The following GNA14 variants were observed in gnomAD, a reference collection of about 807,000 sequenced individuals.
GNA14 encodes G protein subunit alpha 14.
In GNA14, 50 loss-of-function variants were observed where a neutral mutation model predicts 42.0. The ratio of observed to expected loss-of-function variants is 1.19; its 90% CI spans 0.95 to 1.51. The LOEUF (loss-of-function observed/expected upper bound fraction) is 1.51, where lower values mean the gene tolerates loss of function less well. GNA14 is among the 40% of genes most tolerant of loss of function. The probability of loss-of-function intolerance (pLI) is 0.00; values close to 1 mark genes in which losing one functional copy is unlikely to be tolerated. For synonymous variants in GNA14, 173 were observed against 163.1 expected (o/e 1.06, Z -0.46); for missense variants, 473 against 446.2 (o/e 1.06, Z -0.54).
chr9:77,517,590 CTTTTTTTTTTTTTTTTTTTTTTTTTT>C (rs71358610), intron 2 of GNA14: 1 of 26,792 alleles, frequency 3.7e-5, no homozygotes, highest in Non-Finnish European at 6.8e-5. Flanking sequence ...TGGTACTTTT[CTTTTTTTTTTTTTTTTTTTTTTTTTT>C]TTTTTTTTGA....
intron 1 of GNA14, among the ~76,000 whole-genome samples, chr9:77,611,441 T>C (rs1823729389): frequency 6.6e-6 from 1 of 152,184 alleles, no homozygotes; most frequent in Non-Finnish European, 1.5e-5. Context: ...ATGTCTGTCC[T>C]TTACTCTGGA....
Position 77,558,982 on chromosome 9 carries a change from G to A in GNA14, c.125-29729C>T, listed in dbSNP as rs182126868. On this transcript the variant is annotated intron_variant, in intron 1 of 6. Transcript: ENST00000341700. The stretch of plus-strand genomic sequence containing the variant: ...AAAAAACCTCCTCCTGAGAACCTAA[G>A]CAGGATGGGGCTAAATATTTAGGTC... Among the ~76,000 whole-genome samples the A allele has an allele frequency of 4.0e-5, 6 of 151,324 alleles. No homozygotes were observed. In the East Asian group the frequency reaches 1.2e-3, roughly 29 times the overall value.
intron 1 of GNA14, among the ~76,000 whole-genome samples, chr9:77,533,239 T>G (rs1285879937): frequency 6.6e-6 from 1 of 152,182 alleles, no homozygotes; most frequent in African/African-American, 2.4e-5. Flanking sequence ...TGCAGTGACA[T>G]GATCTCAGCT....
chr9:77,622,909 G>GA (rs60072959), intron 1 of GNA14, among the ~76,000 whole-genome samples: 28,535 of 136,814 alleles, frequency 0.21, 3,139 homozygotes, highest in South Asian at 0.27. Context: ...AAAAAAAAAA[G>GA]AAAAATTTTT....
chr9:77,589,220 G>A (rs947355065), intron 1 of GNA14, among the ~76,000 whole-genome samples: 4 of 152,158 alleles, frequency 2.6e-5, no homozygotes, highest in African/African-American at 9.7e-5. Context: ...GGAAATAAAT[G>A]CTCACTTGCA....
At chr9:77,467,218 C>T (rs1836250806) in intron 2 of GNA14, among the ~76,000 whole-genome samples, 1 of 151,816 alleles carries the variant, frequency 6.6e-6, no homozygotes, top group Non-Finnish European at 1.5e-5. Flanking sequence ...TTTTAAAGTC[C>T]GGATTCCTAG....
At chr9:77,490,247 T>C (rs1011192925) in intron 2 of GNA14, among the ~76,000 whole-genome samples, 1 of 152,254 alleles carries the variant, frequency 6.6e-6, no homozygotes, top group East Asian at 1.9e-4. Flanking sequence ...TGCTGATTGC[T>C]GTGTTTACAA....
intron 2 of GNA14, among the ~76,000 whole-genome samples, chr9:77,505,017 C>T (rs1352042951): frequency 1.3e-5 from 2 of 151,998 alleles, no homozygotes; most frequent in African/African-American, 4.8e-5. Flanking sequence ...AGTTGAAAGT[C>T]CCTAATCATT....
chr9:77,453,182 T>C (rs1208190845), intron 2 of GNA14, among the ~76,000 whole-genome samples: 1 of 151,952 alleles, frequency 6.6e-6, no homozygotes, highest in East Asian at 1.9e-4. Context: ...CTGAGGGAGC[T>C]TGTGTGTCCC....
intron 1 of GNA14, among the ~76,000 whole-genome samples, chr9:77,617,269 T>A (rs1478642186): frequency 6.6e-6 from 1 of 152,088 alleles, no homozygotes; most frequent in Admixed American, 6.6e-5. Context: ...GTTGACTGTC[T>A]ACCTCCACCC....
intron 1 of GNA14, among the ~76,000 whole-genome samples, chr9:77,621,829 T>G (rs1823928358): frequency 6.6e-6 from 1 of 152,212 alleles, no homozygotes. Context: ...ACACAAATAT[T>G]TGTTTTGAAG....
intron 1 of GNA14, among the ~76,000 whole-genome samples, chr9:77,602,743 A>G (rs1310257766): frequency 6.6e-6 from 1 of 151,722 alleles, no homozygotes; most frequent in Non-Finnish European, 1.5e-5. Flanking sequence ...TACACCCACA[A>G]CTTTCCCAAT....
intron 2 of GNA14, among the ~76,000 whole-genome samples, chr9:77,478,757 T>C (rs1836484007): frequency 6.6e-6 from 1 of 152,224 alleles, no homozygotes. Context: ...GTGGTTTTGA[T>C]TTGCATTTCT....
chr9:77,561,837 G>A (rs1822888350), intron 1 of GNA14, among the ~76,000 whole-genome samples: 1 of 152,148 alleles, frequency 6.6e-6, no homozygotes, highest in South Asian at 2.1e-4. Flanking sequence ...TCCTTCAGCT[G>A]ACTAATTACT....
chr9:77,519,695 T>C (rs1837320171), intron 2 of GNA14, among the ~76,000 whole-genome samples: 1 of 152,118 alleles, frequency 6.6e-6, no homozygotes, highest in African/African-American at 2.4e-5. Flanking sequence ...GGGTACAATG[T>C]ACACTACTTG....
intron 1 of GNA14, among the ~76,000 whole-genome samples, chr9:77,609,396 G>T (rs1486742459): frequency 1.3e-5 from 2 of 152,066 alleles, no homozygotes; most frequent in Non-Finnish European, 2.9e-5. Flanking sequence ...TTTCTCTCCA[G>T]CTCTCCCCTT....
In GNA14 at chr9:77,492,497, C is replaced by T. The variant is rs1424730792; in HGVS notation, c.309+36572G>A. Among the ~76,000 whole-genome samples the T allele has an allele frequency of 8.6e-5, 13 of 151,922 alleles. No homozygotes were observed. In the East Asian group the frequency reaches 2.3e-3, roughly 27 times the overall value. On this transcript the variant is annotated intron_variant, in intron 2 of 6. Coordinates refer to ENST00000341700, the MANE Select transcript of GNA14 (RefSeq NM_004297.4). ...AAAGGAGACGTAACAACTGACATCC[C>T]GGAAATGCAAAGAATCATTAGAGAC...
At position 77,587,837 on chromosome 9, in the gene GNA14, A is replaced by G. The variant is rs147706338; in HGVS notation, c.125-58584T>C. Among the ~76,000 whole-genome samples, 440 of 152,308 alleles carry G rather than the reference A, an allele frequency of 2.9e-3. 3 individuals are homozygous for G. Among genetic ancestry groups the G allele is most frequent in the Non-Finnish European group, 2.5e-3 (167 of 68,030 alleles). Reference sequence around the variant, plus strand: ...CACAAGCACACGTATACACACACGAATTTATTCTCTCATAGTTCTGGATTT... The same window carrying G: ...CACAAGCACACGTATACACACACGAGTTTATTCTCTCATAGTTCTGGATTT... On this transcript the variant is annotated intron_variant, in intron 1 of 6. Transcript: ENST00000341700.
intron 4 of GNA14, 115 bp from the exon 5 acceptor site, chr9:77,429,151 G>C (rs1470726385): frequency 5.4e-5 from 51 of 935,856 alleles, no homozygotes; most frequent in Non-Finnish European, 4.2e-5. Context: ...TAATTTCTAA[G>C]AGAGAAAAGA....
Sources: allele counts gnomAD v4.1 joint callset (sites outside exome capture counted in the v4.1 genomes callset), GRCh38; gene constraint gnomAD v4.1.1; transcripts MANE v1.5; gene names NCBI Gene and HGNC (gene_info 2026-07-23, HGNC 2026-07-21).